The following PDGFC variants were observed in gnomAD, a reference collection of about 807,000 sequenced individuals.
PDGFC encodes the protein platelet derived growth factor C.
PDGFC carries 12 observed loss-of-function variants against 35.5 expected under a neutral mutation model. The observed-to-expected ratio is 0.34, with a 90% CI of 0.22 to 0.55. The LOEUF is 0.55. PDGFC is among the 20% of genes least tolerant of loss of function. The pLI is 0.91. For missense variants in PDGFC, 322 were observed against 412.4 expected (o/e 0.78, Z 1.90); for synonymous variants, 159 against 148.8 (o/e 1.07, Z -0.50).
At chr4:156,928,635 C>T (rs187235382) in intron 1 of PDGFC, among the ~76,000 whole-genome samples, 205 of 152,276 alleles carry the variant, frequency 1.3e-3, no homozygotes, top group African/African-American at 4.4e-3. Context: ...CCCCAATCCA[C>T]GCTCTATACT....
At chr4:156,843,710 T>C (rs560702736) in intron 2 of PDGFC, among the ~76,000 whole-genome samples, 254 of 152,256 alleles carry the variant, frequency 1.7e-3, no homozygotes, top group Non-Finnish European at 2.7e-3. Context: ...CCCAGTTACA[T>C]ATTCTCAGGA....
chr4:156,794,013 GT>G, intron 3 of PDGFC, among the ~76,000 whole-genome samples: 1 of 152,232 alleles, frequency 6.6e-6, no homozygotes, highest in African/African-American at 2.4e-5. Context: ...TCTTAGAAGA[GT>G]AAGTACTACT....
intron 1 of PDGFC, among the ~76,000 whole-genome samples, chr4:156,905,625 C>A (rs1473997824): frequency 3.3e-5 from 5 of 152,064 alleles, no homozygotes; most frequent in Non-Finnish European, 7.4e-5. Flanking sequence ...AGCAGTTCAA[C>A]CTGGAGTAGA....
chr4:156,793,782 CATG>C (rs1323001954), intron 3 of PDGFC, among the ~76,000 whole-genome samples: 1 of 151,058 alleles, frequency 6.6e-6, no homozygotes. Context: ...TAGTAATCCT[CATG>C]ATAATATATG....
chr4:156,778,207 G>T (rs1008682379), intron 3 of PDGFC: 1 of 396,686 alleles, frequency 2.5e-6, no homozygotes. Flanking sequence ...TTGCCTTTGT[G>T]AGAAGCCAAG....
chr4:156,956,465 A>G (rs1201703785), intron 1 of PDGFC, among the ~76,000 whole-genome samples: 1 of 152,062 alleles, frequency 6.6e-6, no homozygotes, highest in Non-Finnish European at 1.5e-5. Context: ...GCACCAATCC[A>G]AGCTTGACTA....
At chr4:156,763,271 A>G (rs1730428834) in intron 5 of PDGFC, 65 bp from the exon 6 acceptor site, 10 of 792,096 alleles carry the variant, frequency 1.3e-5, no homozygotes, top group Non-Finnish European at 2.3e-5. Context: ...GCTTTTATAA[A>G]CAAGTAACGT....
intron 1 of PDGFC, among the ~76,000 whole-genome samples, chr4:156,870,740 C>G (rs191155167): frequency 2.0e-4 from 30 of 152,242 alleles, no homozygotes; most frequent in African/African-American, 5.8e-4. Flanking sequence ...CCTTTTAACA[C>G]ACAGTTATTT....
chr4:156,855,084 A>G (rs1188246876), intron 1 of PDGFC, among the ~76,000 whole-genome samples: 1 of 152,116 alleles, frequency 6.6e-6, no homozygotes, highest in African/African-American at 2.4e-5. Context: ...AAAACTGTTG[A>G]CTATATGTGT....
chr4:156,842,997 C>T (rs1729240596), intron 2 of PDGFC, among the ~76,000 whole-genome samples: 1 of 152,266 alleles, frequency 6.6e-6, no homozygotes, highest in East Asian at 1.9e-4. Flanking sequence ...TTTGCCTACA[C>T]AACTACAACA....
chr4:156,818,551 C>T (rs890362549), intron 2 of PDGFC, among the ~76,000 whole-genome samples: 4 of 117,338 alleles, frequency 3.4e-5, no homozygotes, highest in East Asian at 2.9e-4. Context: ...GACGGAGTCT[C>T]GCTCTGTCGC....
chr4:156,837,942 C>A (rs574423370), intron 2 of PDGFC, among the ~76,000 whole-genome samples: 1 of 151,922 alleles, frequency 6.6e-6, no homozygotes, highest in African/African-American at 2.4e-5. Context: ...TGGTCAGATC[C>A]CCACCCTCTA....
chr4:156,788,127 C>A (rs2110870924), intron 3 of PDGFC, among the ~76,000 whole-genome samples: 1 of 152,052 alleles, frequency 6.6e-6, no homozygotes, highest in East Asian at 1.9e-4. Context: ...GTTCTTAAAT[C>A]AAGTGTGCTG....
At chr4:156,801,911 G>A (rs774641515) in intron 3 of PDGFC, among the ~76,000 whole-genome samples, 65 of 152,190 alleles carry the variant, frequency 4.3e-4, no homozygotes, top group Non-Finnish European at 3.8e-4. Flanking sequence ...AGTAGACAGC[G>A]ACAGATAAAA....
intron 2 of PDGFC, among the ~76,000 whole-genome samples, chr4:156,829,815 A>G (rs1404526546): frequency 2.0e-5 from 3 of 152,062 alleles, no homozygotes; most frequent in African/African-American, 7.2e-5. Flanking sequence ...TTATCTACCC[A>G]TTTATTTCAC....
chr4:156,820,015 G>T (rs1732204309), intron 2 of PDGFC, among the ~76,000 whole-genome samples: 1 of 152,182 alleles, frequency 6.6e-6, no homozygotes, highest in Non-Finnish European at 1.5e-5. Flanking sequence ...GGTGGAAATA[G>T]CAAGAGAACT....
At chr4:156,831,993 A>T (rs1728947414) in intron 2 of PDGFC, among the ~76,000 whole-genome samples, 1 of 151,928 alleles carries the variant, frequency 6.6e-6, no homozygotes, top group Non-Finnish European at 1.5e-5. Flanking sequence ...TATTACACAC[A>T]CCCCATCCTA....
At chr4:156,783,252 T>A (rs980158809) in intron 3 of PDGFC, among the ~76,000 whole-genome samples, 2 of 152,040 alleles carry the variant, frequency 1.3e-5, no homozygotes, top group Admixed American at 6.6e-5. Context: ...GGGGTCTGAT[T>A]GGGAAGGCTT....
At chr4:156,890,727 A>G (rs191200410) in intron 1 of PDGFC, among the ~76,000 whole-genome samples, 9 of 152,336 alleles carry the variant, frequency 5.9e-5, no homozygotes, top group African/African-American at 1.9e-4. Context: ...TGTGCTGACT[A>G]AAATGCTAAT....
Sources: gnomAD v4.1 joint callset for allele counts (sites outside exome capture counted in the v4.1 genomes callset) on GRCh38, gnomAD v4.1.1 for gene constraint, MANE v1.5 for transcripts, NCBI Gene and HGNC (gene_info 2026-07-23, HGNC 2026-07-21) for gene names.